SPI1: variants seen among roughly 807,000 people sequenced by gnomAD.
SPI1 encodes the protein transcription factor PU.1.
A neutral mutation model predicts 30.7 loss-of-function variants in SPI1; 3 were observed. The observed-to-expected ratio is 0.10, with a 90% confidence interval of 0.04 to 0.25. The LOEUF (loss-of-function observed/expected upper bound fraction) is 0.25, where lower values mean the gene tolerates loss of function less well. Among genes scored for constraint, SPI1 ranks in the 10% least tolerant of loss-of-function variants. The probability of loss-of-function intolerance (pLI) is 1.00; values close to 1 mark genes in which losing one functional copy is unlikely to be tolerated. For synonymous variants in SPI1, 169 were observed against 157.1 expected (o/e 1.08, Z -0.56); for missense variants, 261 against 371.5 (o/e 0.70, Z 2.45).
At chr11:47,355,713 CA>C (rs2095907194) in intron 4 of SPI1, among the ~76,000 whole-genome samples, 167 bp from the exon 5 acceptor site, 1 of 151,860 alleles carries the variant, frequency 6.6e-6, no homozygotes, top group African/African-American at 2.4e-5. Context: ...CACACTCACA[CA>C]CACACACATG....
chr11:47,360,105 G>T, intron 2 of SPI1, 65 bp from the exon 3 acceptor site: 2 of 1,354,486 alleles, frequency 1.5e-6, no homozygotes, highest in Non-Finnish European at 2.0e-6. Flanking sequence ...AAAGGTTATA[G>T]TAACATTAAA....
In SPI1 at chr11:47,378,418, AT is replaced by A; in HGVS notation, c.-66del. On this transcript the variant is annotated 5_prime_UTR_variant, in exon 1 of 5. Transcript: ENST00000378538. Reference sequence around the variant, plus strand: ...GGGGGCCAATGCAGAGCCCCTCAGGATGGGGTGCCCCGTCAGGGGCTGGACG... The same window carrying A: ...GGGGGCCAATGCAGAGCCCCTCAGGAGGGGTGCCCCGTCAGGGGCTGGACG... 1 of 1,557,698 alleles carries A rather than the reference AT, an allele frequency of 6.4e-7. No individual in the cohort carries two copies. The highest frequency in any genetic ancestry group is 8.7e-7 in the Non-Finnish European group (1 of 1,143,968).
At chr11:47,357,162 A>T (rs2095912080) in intron 4 of SPI1, among the ~76,000 whole-genome samples, 1 of 146,894 alleles carries the variant, frequency 6.8e-6, no homozygotes, top group Non-Finnish European at 1.5e-5. Flanking sequence ...CCTCACACAC[A>T]TGCTCACATC....
Position 47,378,473 on chromosome 11 carries a change from T to G in SPI1, c.-120A>C. On this transcript the variant is annotated 5_prime_UTR_variant, in exon 1 of 5. Coordinates refer to ENST00000378538, the MANE Select transcript of SPI1 (RefSeq NM_003120.3). ...GTGGGGCGGGTGCAGGGCTCAGGCC[T>G]GCCCCCTGAGCTACAGGAGCCCTGG... 9.2e-7 allele frequency: 1 copy of G among 1,082,326 alleles called. No homozygotes were observed. Among genetic ancestry groups the G allele is most frequent in the Non-Finnish European group, 1.4e-6 (1 of 735,506 alleles). 67.0% of individuals were successfully genotyped at this position (1,082,326 alleles called of 1,614,324 possible).
At position 47,359,128 on chromosome 11, in the gene SPI1, G is replaced by A. The variant is rs2095916876; in HGVS notation, c.331-122C>T. On this transcript the variant is annotated intron_variant, in intron 3 of 4. Coordinates refer to ENST00000378538, the MANE Select transcript of SPI1 (RefSeq NM_003120.3). The surrounding 1 kb of genome is among the most constrained non-coding windows in gnomAD (Gnocchi z 5.1). ...GGGCAGGGGACAATGGCAGGCACAGGAGACTGGAGGAAGAAGACCAGGGAA... is the reference window on the plus strand; with the variant it reads ...GGGCAGGGGACAATGGCAGGCACAGAAGACTGGAGGAAGAAGACCAGGGAA... 1.1e-5 allele frequency: 8 copies of A among 748,692 alleles called. No individual in the cohort carries two copies. The highest frequency in any genetic ancestry group is 2.0e-5 in the South Asian group (1 of 49,000). 46.4% of individuals were successfully genotyped at this position (748,692 alleles called of 1,614,324 possible).
In SPI1 at chr11:47,378,496, T is replaced by C; in HGVS notation, c.-143A>G. ...CCTGCCCCCTGAGCTACAGGAGCCC[T>C]GGGTGAGCCCCCTCCCTTGACATTG... On this transcript the variant is annotated 5_prime_UTR_variant, in exon 1 of 5. Transcript: ENST00000378538. 1 of 798,340 alleles carries C rather than the reference T, an allele frequency of 1.3e-6. No individual in the cohort carries two copies. The highest frequency in any genetic ancestry group is 2.0e-6 in the Non-Finnish European group (1 of 496,184). 49.5% of individuals were successfully genotyped at this position (798,340 alleles called of 1,614,324 possible). A position where few individuals can be genotyped will look rare whatever the true frequency, so the allele number is the denominator to read the frequency against.
At chr11:47,358,320 C>G in intron 4 of SPI1, 2 of 546,500 alleles carry the variant, frequency 3.7e-6, no homozygotes, top group South Asian at 4.5e-5. Flanking sequence ...CTTACAGCCA[C>G]TCACATATAC....
intron 2 of SPI1, among the ~76,000 whole-genome samples, chr11:47,364,412 C>T (rs2095925538): frequency 6.6e-6 from 1 of 152,110 alleles, no homozygotes. Context: ...GTTTGCTCTG[C>T]TCTTTAGTGA....
chr11:47,368,556 C>T (rs893649986), intron 2 of SPI1, among the ~76,000 whole-genome samples: 17 of 152,182 alleles, frequency 1.1e-4, no homozygotes, highest in Admixed American at 8.5e-4. Context: ...AAACGTGGCG[C>T]GCGCATACAA....
chr11:47,371,557 C>T (rs765936252), intron 2 of SPI1, among the ~76,000 whole-genome samples: 3 of 148,220 alleles, frequency 2.0e-5, no homozygotes, highest in Non-Finnish European at 4.5e-5. Flanking sequence ...ATCCCAGCTA[C>T]TTAGGAGGCT....
Position 47,355,392 on chromosome 11 carries a change from C to G in SPI1, c.648G>C (p.Gln216His). 6.2e-7 allele frequency: 1 copy of G among 1,613,890 alleles called. No homozygotes were observed. Among genetic ancestry groups the G allele is most frequent in the Non-Finnish European group, 8.5e-7 (1 of 1,179,816 alleles). ...KEALAHRWGIQKGNRKKMTYQ... is the reference protein window; with the variant it reads ...KEALAHRWGIHKGNRKKMTYQ... ...AGGTCATCTTCTTGCGGTTGCCCTT[C>G]TGGATGCCCCAGCGGTGCGCCAGCG... Residue 216 changes from glutamine (Q) to histidine (H), a missense_variant, in exon 5 of 5, where the codon CAG becomes CAC. Gln to His is a conservative substitution (Grantham distance 24). Around this residue, in one of 5 missense-constraint regions of SPI1, gnomAD observed 43 missense variants for 123.8 expected, o/e 0.35. Coordinates refer to ENST00000378538, the MANE Select transcript of SPI1 (RefSeq NM_003120.3).
chr11:47,357,802 G>A (rs539344972), intron 4 of SPI1, among the ~76,000 whole-genome samples: 13 of 152,194 alleles, frequency 8.5e-5, no homozygotes, highest in Admixed American at 3.9e-4. Context: ...CTGACCTCAG[G>A]TGATCCGCCT....
At chr11:47,360,390 T>TGTG (rs2095918914) in intron 2 of SPI1, among the ~76,000 whole-genome samples, 1 of 152,148 alleles carries the variant, frequency 6.6e-6, no homozygotes, top group African/African-American at 2.4e-5. Context: ...CAGGCACATA[T>TGTG]GTGGCCTCTC....
chr11:47,375,613 G>T lies in SPI1; in HGVS notation c.142+20C>A. On this transcript the variant is annotated intron_variant, in intron 2 of 4. Transcript: ENST00000378538. The surrounding 1 kb of genome is among the most constrained non-coding windows in gnomAD (Gnocchi z 4.2). The stretch of plus-strand genomic sequence containing the variant: ...CCAGGCTGGGCTGGGGGATGGGGGC[G>T]TGGCAGGCCCCGTACTCACCGCTAT... The T allele has an allele frequency of 6.3e-7, 1 of 1,593,100 alleles. No individual in the cohort carries two copies. The highest frequency in any genetic ancestry group is 8.6e-7 in the Non-Finnish European group (1 of 1,160,868).
In SPI1 at chr11:47,378,276, G is replaced by A. The variant is rs748664196; in HGVS notation, c.45+33C>T. ...AGGCAGGCAGGCGTCCGAGGGCCACGGGTTGGGCTGGTGGAGGAGTCCCGG... is the reference window on the plus strand; with the variant it reads ...AGGCAGGCAGGCGTCCGAGGGCCACAGGTTGGGCTGGTGGAGGAGTCCCGG... On this transcript the variant is annotated intron_variant, in intron 1 of 4. Transcript: ENST00000378538. The A allele has an allele frequency of 1.1e-5, 17 of 1,610,858 alleles. No homozygotes were observed. The African/African-American group carries it at 1.5e-4, about 14-fold the overall frequency.
Position 47,374,659 on chromosome 11 carries a change from A to C in SPI1, c.142+974T>G, listed in dbSNP as rs1182813158. On this transcript the variant is annotated intron_variant, in intron 2 of 4. Coordinates refer to ENST00000378538, the MANE Select transcript of SPI1 (RefSeq NM_003120.3). This position sits in a 1 kb window ranked among gnomAD's most constrained non-coding sequence, Gnocchi z 4.5. Reference sequence around the variant, plus strand: ...TCCCAGACGCCCTGAGGAATTCCCCAGTGACGACTCACCCACTGACTAGGC... The same window carrying C: ...TCCCAGACGCCCTGAGGAATTCCCCCGTGACGACTCACCCACTGACTAGGC... Among the ~76,000 whole-genome samples the C allele has an allele frequency of 6.6e-6, 1 of 151,384 alleles. No homozygotes were observed. Among genetic ancestry groups the C allele is most frequent in the Non-Finnish European group, 1.5e-5 (1 of 67,378 alleles).
rs192444225 is a variant in SPI1 at position 47,362,030 on chromosome 11, G to C, written c.143-1990C>G. On this transcript the variant is annotated intron_variant, in intron 2 of 4. Transcript: ENST00000378538. Reference sequence around the variant, plus strand: ...GCAGAGAGGAGAGAAAGGCAGAGCTGGGCTCAAGTTCTGGCTCTGCCATTT... The same window carrying C: ...GCAGAGAGGAGAGAAAGGCAGAGCTCGGCTCAAGTTCTGGCTCTGCCATTT... 9.4e-4 allele frequency among the ~76,000 whole-genome samples: 143 copies of C among 152,254 alleles called. 1 individual carries two copies. Among genetic ancestry groups the C allele is most frequent in the African/African-American group, 3.2e-3 (134 of 41,552 alleles).
At chr11:47,378,174 A>G in intron 1 of SPI1, 135 bp downstream of exon 1, 1 of 940,528 alleles carries the variant, frequency 1.1e-6, no homozygotes, top group South Asian at 1.5e-5. Context: ...TCAGGCCAGG[A>G]GTTCCAGGGA....
At chr11:47,362,143 A>G (rs1043193730) in intron 2 of SPI1, among the ~76,000 whole-genome samples, 2 of 152,138 alleles carry the variant, frequency 1.3e-5, no homozygotes, top group Non-Finnish European at 2.9e-5. Context: ...CACCCATCTC[A>G]CAGGCTTGTT....
Sources: allele counts gnomAD v4.1 joint callset (sites outside exome capture counted in the v4.1 genomes callset), GRCh38; gene constraint gnomAD v4.1.1; regional missense constraint gnomAD v4.1.1; non-coding constraint Gnocchi (gnomAD v3.1); transcripts MANE v1.5; gene names NCBI Gene and HGNC (gene_info 2026-07-23, HGNC 2026-07-21).